The following ZNF407 variants were observed in gnomAD, a reference collection of about 807,000 sequenced individuals.
ZNF407 encodes the protein zinc finger protein 407.
In ZNF407, 17 loss-of-function variants were observed where a neutral mutation model predicts 131.2. That is an observed-to-expected ratio of 0.13 (90% CI 0.09 to 0.19). The LOEUF (loss-of-function observed/expected upper bound fraction) is 0.19, where lower values mean the gene tolerates loss of function less well. ZNF407 is among the 10% of genes least tolerant of loss of function. The pLI is 1.00. For missense variants in ZNF407, 2,681 were observed against 2,830.6 expected, an observed-to-expected ratio of 0.95 and a Z score of 1.20; for synonymous variants, 1,156 against 1,062.0, an observed-to-expected ratio of 1.09 and a Z score of -1.72.
chr18:74,949,976 G>C (rs1489947844), intron 8 of ZNF407, among the ~76,000 whole-genome samples: 1 of 152,242 alleles, frequency 6.6e-6, no homozygotes, highest in Non-Finnish European at 1.5e-5. Flanking sequence ...TGGTTAAGCT[G>C]ATGGCTCCAG....
At chr18:74,853,467 T>C (rs1201273939) in intron 4 of ZNF407, among the ~76,000 whole-genome samples, 1 of 152,186 alleles carries the variant, frequency 6.6e-6, no homozygotes, top group Non-Finnish European at 1.5e-5. Flanking sequence ...CATCCTGAGA[T>C]TGGGGCCAGA....
chr18:74,803,436 A>G (rs1024361528), intron 4 of ZNF407, among the ~76,000 whole-genome samples: 1 of 152,154 alleles, frequency 6.6e-6, no homozygotes, highest in Non-Finnish European at 1.5e-5. Context: ...CTGGTTATCA[A>G]TGGGCATCTA....
intron 8 of ZNF407, among the ~76,000 whole-genome samples, chr18:74,993,179 A>G (rs1455619698): frequency 6.6e-6 from 1 of 152,230 alleles, no homozygotes; most frequent in Non-Finnish European, 1.5e-5. Flanking sequence ...TATTCATGCA[A>G]AGATTTATAT....
intron 4 of ZNF407, among the ~76,000 whole-genome samples, chr18:74,846,387 T>A (rs891635041): frequency 2.6e-5 from 4 of 151,852 alleles, no homozygotes; most frequent in African/African-American, 4.8e-5. Context: ...TCACCCAGGC[T>A]GGAGTGCATT....
chr18:74,714,496 T>C (rs1447115011), intron 3 of ZNF407, among the ~76,000 whole-genome samples: 4 of 152,248 alleles, frequency 2.6e-5, no homozygotes, highest in Non-Finnish European at 4.4e-5. Context: ...TTTAGTATAA[T>C]TTATTTTTCC....
chr18:74,825,075 G>A (rs1392013099), intron 4 of ZNF407, among the ~76,000 whole-genome samples: 1 of 152,162 alleles, frequency 6.6e-6, no homozygotes, highest in Non-Finnish European at 1.5e-5. Context: ...ATCAATAAAT[G>A]TAATCCATCA....
At chr18:75,042,573 A>C (rs1271213213) in intron 8 of ZNF407, among the ~76,000 whole-genome samples, 1 of 152,188 alleles carries the variant, frequency 6.6e-6, no homozygotes, top group Admixed American at 6.5e-5. Context: ...TATGGAGTGC[A>C]TTTACTTTTT....
At chr18:74,767,639 T>C (rs1969265762) in intron 3 of ZNF407, among the ~76,000 whole-genome samples, 1 of 141,014 alleles carries the variant, frequency 7.1e-6, no homozygotes, top group South Asian at 2.3e-4. Context: ...ATTGTATAAT[T>C]CTGAATTCTC....
At chr18:74,981,675 T>C (rs1972595204) in intron 8 of ZNF407, among the ~76,000 whole-genome samples, 1 of 151,982 alleles carries the variant, frequency 6.6e-6, no homozygotes, top group Non-Finnish European at 1.5e-5. Context: ...AGGATGTGAC[T>C]GGGGAGGACG....
At position 74,631,117 on chromosome 18, in the gene ZNF407, G is replaced by T. The variant is rs995597293; in HGVS notation, c.98G>T (p.Gly33Val). The T allele has an allele frequency of 6.2e-7, 1 of 1,613,772 alleles. No homozygotes were observed. The highest frequency in any genetic ancestry group is 1.3e-5 in the African/African-American group (1 of 74,896). ...AAGCTTTCATCCCATAATGAAGACGGTGGGCCTGTATCTGATGTGATAGCA... is the reference window on the plus strand; with the variant it reads ...AAGCTTTCATCCCATAATGAAGACGTTGGGCCTGTATCTGATGTGATAGCA... The part of the protein sequence containing the change: ...LTKLSSHNED[G>V]GPVSDVIASF... The change falls in exon 2 of 9, where the codon GGT becomes GTT. Residue 33 changes from glycine to valine, a missense_variant. Physicochemically the swap from Gly to Val is moderately radical, Grantham distance 109. This residue lies in a region of ZNF407 where 1,789 missense variants were observed against 1,748.7 expected (regional missense o/e 1.02). Coordinates refer to ENST00000299687, the MANE Select transcript of ZNF407 (RefSeq NM_017757.3).
Position 74,863,892 on chromosome 18 carries a change from A to G in ZNF407, c.4878-13305A>G, listed in dbSNP as rs192378400. On this transcript the variant is annotated intron_variant, in intron 4 of 8. Coordinates refer to ENST00000299687, the MANE Select transcript of ZNF407 (RefSeq NM_017757.3). ...TGAACCTCTGGTTTTATAGTATTATAAAGTTATGCCTGGCAGTGTAATTTA... is the reference window on the plus strand; with the variant it reads ...TGAACCTCTGGTTTTATAGTATTATGAAGTTATGCCTGGCAGTGTAATTTA... Among the ~76,000 whole-genome samples the G allele has an allele frequency of 4.6e-5, 7 of 152,314 alleles. No individual in the cohort carries two copies. In the East Asian group the frequency reaches 1.4e-3, roughly 29 times the overall value.
rs75674955 is a variant in ZNF407, at chr18:74,919,813, C to G, written c.5250-701C>G. On this transcript the variant is annotated intron_variant, in intron 7 of 8. Coordinates refer to ENST00000299687, the MANE Select transcript of ZNF407 (RefSeq NM_017757.3). ...CTCAAAAACAGCACCCCATTCCCAG[C>G]TTGCTGATTATTTCAGGGCTTGCAT... Among the ~76,000 whole-genome samples the G allele has an allele frequency of 3.6e-3, 549 of 152,340 alleles. 4 individuals carry two copies. Among genetic ancestry groups the G allele is most frequent in the East Asian group, 9.1e-3 (47 of 5,192 alleles).
At position 74,617,448 on chromosome 18, in the gene ZNF407, T is replaced by C. The variant is rs1983364930; in HGVS notation, c.-53-13519T>C. Among the ~76,000 whole-genome samples the C allele has an allele frequency of 2.0e-5, 3 of 152,372 alleles. No individual in the cohort carries two copies. In the South Asian group the frequency reaches 6.2e-4, roughly 32 times the overall value. On this transcript the variant is annotated intron_variant, in intron 1 of 8. Coordinates refer to ENST00000299687, the MANE Select transcript of ZNF407 (RefSeq NM_017757.3). ...CAATTCATGTATCTTTAGCCTTCTT[T>C]AATCAGGAATATTTTTGTATGAAGC...
intron 3 of ZNF407, among the ~76,000 whole-genome samples, chr18:74,741,879 G>A (rs1171122605): frequency 2.0e-5 from 3 of 152,008 alleles, no homozygotes; most frequent in Non-Finnish European, 4.4e-5. Context: ...TGCCCAGTTG[G>A]ATTTTACAAT....
At chr18:74,758,318 A>T (rs1003751527) in intron 3 of ZNF407, among the ~76,000 whole-genome samples, 5 of 152,076 alleles carry the variant, frequency 3.3e-5, no homozygotes, top group Non-Finnish European at 7.4e-5. Flanking sequence ...ATGTATATGT[A>T]TGCATGTGTG....
At chr18:74,886,880 C>G (rs1599221664) in intron 6 of ZNF407, among the ~76,000 whole-genome samples, 2 of 152,280 alleles carry the variant, frequency 1.3e-5, no homozygotes, top group Middle Eastern at 3.4e-3. Flanking sequence ...CTCACTGAAG[C>G]TGTTTAAAAT....
At chr18:74,726,650 T>G (rs1382561295) in intron 3 of ZNF407, among the ~76,000 whole-genome samples, 2 of 152,356 alleles carry the variant, frequency 1.3e-5, no homozygotes, top group South Asian at 2.1e-4. Flanking sequence ...TCAATTATGG[T>G]GTAACCTACA....
At chr18:74,882,566 C>G (rs1459646076) in intron 6 of ZNF407, among the ~76,000 whole-genome samples, 1 of 152,092 alleles carries the variant, frequency 6.6e-6, no homozygotes, top group Non-Finnish European at 1.5e-5. Flanking sequence ...CCAGCCATTC[C>G]TTTTAGATGT....
In ZNF407 at chr18:74,878,888, C is replaced by CA. The variant is rs573213763; in HGVS notation, c.5044+1541dup. On this transcript the variant is annotated intron_variant, in intron 5 of 8. Coordinates refer to ENST00000299687, the MANE Select transcript of ZNF407 (RefSeq NM_017757.3). ...TCAAACCTAACACCCCAACCCACTCCAAAAAAAAAAAAAAAAGGCAAGTGA... is the reference window on the plus strand; with the variant it reads ...TCAAACCTAACACCCCAACCCACTCCAAAAAAAAAAAAAAAAAGGCAAGTGA... Among the ~76,000 whole-genome samples, 248 of 94,072 alleles carry CA rather than the reference C, an allele frequency of 2.6e-3. 2 individuals are homozygous for CA. The highest frequency in any genetic ancestry group is 8.4e-3 in the South Asian group (25 of 2,972). The allele number at this position is 94,072 out of a possible 152,430, so 61.7% of individuals were successfully genotyped here.
Sources: gnomAD v4.1 joint callset for allele counts (sites outside exome capture counted in the v4.1 genomes callset) on GRCh38, gnomAD v4.1.1 for gene constraint, gnomAD v4.1.1 regional missense constraint, MANE v1.5 for transcripts, NCBI Gene and HGNC (gene_info 2026-07-23, HGNC 2026-07-21) for gene names.